The following POLH variants were observed in gnomAD, a reference collection of about 807,000 sequenced individuals.
POLH encodes DNA polymerase eta, also known as DNA polymerase eta transcript.
In POLH, 53 loss-of-function variants were observed where a neutral mutation model predicts 73.6. That is an observed-to-expected ratio of 0.72 (90% CI 0.58 to 0.91). The LOEUF is 0.91. POLH is among the 40% of genes least tolerant of loss of function. POLH has a pLI of 0.00. For missense variants in POLH, 768 were observed against 865.4 expected (o/e 0.89, Z 1.41); for synonymous variants, 292 against 308.5 (o/e 0.95, Z 0.56).
Position 43,617,490 on chromosome 6 carries a change from GGT to G in POLH, c.*2935_*2936del, listed in dbSNP as rs1768424204. Reference sequence around the variant, plus strand: ...AAAATAACAAAAATTAGGTGTGTGTGGTGACGCATGCGTGTAATCCCAGCTAC... The same window carrying G: ...AAAATAACAAAAATTAGGTGTGTGTGGACGCATGCGTGTAATCCCAGCTAC... On this transcript the variant is annotated 3_prime_UTR_variant, in exon 11 of 11. Coordinates refer to ENST00000372236, the MANE Select transcript of POLH (RefSeq NM_006502.3). Among the ~76,000 whole-genome samples the G allele has an allele frequency of 6.6e-6, 1 of 151,976 alleles. No individual in the cohort carries two copies. The highest frequency in any genetic ancestry group is 2.4e-5 in the African/African-American group (1 of 41,356).
chr6:43,618,273 A>G lies in POLH; in HGVS notation c.*3716A>G, dbSNP rs1368156230. Among the ~76,000 whole-genome samples, 1 of 151,888 alleles carries G rather than the reference A, an allele frequency of 6.6e-6. No individual in the cohort carries two copies. The highest frequency in any genetic ancestry group is 1.5e-5 in the Non-Finnish European group (1 of 67,998). ...CGGGTTCAAGCAATTCTCCTGCCTC[A>G]GCTTCCCGAATAGCTGAGACTACAA... On this transcript the variant is annotated 3_prime_UTR_variant, in exon 11 of 11. Transcript: ENST00000372236.
At chr6:43,587,161 T>C in intron 3 of POLH, 111 bp from the exon 4 acceptor site, 1 of 847,224 alleles carries the variant, frequency 1.2e-6, no homozygotes, top group Admixed American at 1.7e-5. Context: ...TTAAGCCACA[T>C]GTCTCTTGAT....
In POLH at chr6:43,597,667, T is replaced by G. The variant is rs1033402953; in HGVS notation, c.491-29T>G. 3 of 1,589,196 alleles carry G rather than the reference T, an allele frequency of 1.9e-6. No homozygotes were observed. The African/African-American group carries it at 4.0e-5, about 21-fold the overall frequency. On this transcript the variant is annotated intron_variant, in intron 4 of 10. Transcript: ENST00000372236. ...AATTAAATAAATAATTTTTTAAATG[T>G]CTAAATGTGAGTTCTTAATTCATTT...
intron 1 of POLH, among the ~76,000 whole-genome samples, chr6:43,580,677 C>G (rs1344314059): frequency 2.2e-5 from 3 of 139,136 alleles, no homozygotes; most frequent in Admixed American, 6.9e-5. Context: ...CTGACCCCCC[C>G]ACCTCCCTCC....
chr6:43,586,303 A>C (rs1764813653), intron 3 of POLH, among the ~76,000 whole-genome samples: 1 of 151,962 alleles, frequency 6.6e-6, no homozygotes, highest in Non-Finnish European at 1.5e-5. Flanking sequence ...ACATGGTGAA[A>C]CCCTGTCTCT....
chr6:43,603,433 AT>A (rs1373359619), intron 6 of POLH, among the ~76,000 whole-genome samples: 1 of 150,730 alleles, frequency 6.6e-6, no homozygotes, highest in Non-Finnish European at 1.5e-5. Context: ...CCTGGCCTTA[AT>A]TTTTTTTTGT....
intron 4 of POLH, 107 bp downstream of exon 4, chr6:43,587,596 C>T: frequency 1.2e-6 from 1 of 801,450 alleles, no homozygotes; most frequent in East Asian, 2.6e-5. Context: ...AAACTACAGC[C>T]TGAATGAATC....
At chr6:43,595,284 C>T (rs925290159) in intron 4 of POLH, among the ~76,000 whole-genome samples, 2 of 151,896 alleles carry the variant, frequency 1.3e-5, no homozygotes, top group African/African-American at 4.8e-5. Flanking sequence ...GTGTGCACCA[C>T]CACGCCTGGC....
intron 1 of POLH, among the ~76,000 whole-genome samples, chr6:43,581,129 T>C (rs1343421314): frequency 9.9e-5 from 14 of 141,506 alleles, no homozygotes; most frequent in South Asian, 4.6e-4. Context: ...GGCTCCTCAC[T>C]TCTCAGACGG....
rs1458699096 is a variant in POLH, at chr6:43,617,756, C to T, written c.*3199C>T. On this transcript the variant is annotated 3_prime_UTR_variant, in exon 11 of 11. Coordinates refer to ENST00000372236, the MANE Select transcript of POLH (RefSeq NM_006502.3). ...CATCCTGGCCAACATGGTGAAACCC[C>T]GTCTCTACTGAAAATACAACTGGGC... is the stretch of plus-strand genomic sequence containing the variant. 1.3e-5 allele frequency among the ~76,000 whole-genome samples: 2 copies of T among 152,030 alleles called. No homozygotes were observed. The highest frequency in any genetic ancestry group is 2.4e-5 in the African/African-American group (1 of 41,414).
At position 43,610,545 on chromosome 6, in the gene POLH, C is replaced by T. The variant is rs1362879582; in HGVS notation, c.1075-9C>T. 2 of 1,612,886 alleles carry T rather than the reference C, an allele frequency of 1.2e-6. No individual in the cohort carries two copies. Among genetic ancestry groups the T allele is most frequent in the African/African-American group, 1.3e-5 (1 of 74,856 alleles). On this transcript the variant is annotated splice_polypyrimidine_tract_variant and intron_variant, in intron 9 of 10. Transcript: ENST00000372236. ...CTTTATTTCTGGTCTCCATCCTTTC[C>T]ACCCACAGAATGACAGGGTAGCCAC...
At chr6:43,611,545 T>C (rs971116208) in intron 10 of POLH, among the ~76,000 whole-genome samples, 2 of 152,188 alleles carry the variant, frequency 1.3e-5, no homozygotes, top group African/African-American at 4.8e-5. Context: ...AATCCTTTAA[T>C]TGCATATTTA....
rs1764201906 is a variant in POLH, at chr6:43,581,475, CACT to C, written c.-4-840_-4-838del. Among the ~76,000 whole-genome samples the C allele has an allele frequency of 6.1e-5, 9 of 146,910 alleles. No individual in the cohort carries two copies. In the South Asian group the frequency reaches 1.9e-3, roughly 32 times the overall value. On this transcript the variant is annotated intron_variant, in intron 1 of 10. Transcript: ENST00000372236. Reference sequence around the variant, plus strand: ...TGGGCGGCCAGGCAGAGACACTCCTCACTTCCCAGACGGGGTGGCGGCCGGGCA... The same window carrying C: ...TGGGCGGCCAGGCAGAGACACTCCTCTCCCAGACGGGGTGGCGGCCGGGCA...
rs886061473 is a variant in POLH, at chr6:43,619,627, CAG to C, written c.*5075_*5076del. 2.0e-5 allele frequency among the ~76,000 whole-genome samples: 3 copies of C among 152,120 alleles called. No homozygotes were observed. The highest frequency in any genetic ancestry group is 4.4e-5 in the Non-Finnish European group (3 of 68,032). On this transcript the variant is annotated 3_prime_UTR_variant, in exon 11 of 11. Transcript: ENST00000372236. ...CCCCCTAAATGTTCCATTAATGTTG[CAG>C]AGAGGCTCACTAGTTCCTGGAGATG...
chr6:43,581,689 TGCGGTCGGTCGCG>T (rs1376539912), intron 1 of POLH, among the ~76,000 whole-genome samples: 2 of 144,932 alleles, frequency 1.4e-5, no homozygotes, highest in Non-Finnish European at 3.0e-5. Context: ...CGGCGGCGGC[TGCGGTCGGTCGCG>T]GCAGCGGCTC....
chr6:43,604,594 G>C (rs1320630633), intron 7 of POLH, 21 bp from the exon 8 acceptor site: 6 of 1,612,252 alleles, frequency 3.7e-6, no homozygotes, highest in Non-Finnish European at 4.2e-6. Flanking sequence ...TCACCTTAAC[G>C]TTTTTTGCTG....
intron 3 of POLH, among the ~76,000 whole-genome samples, chr6:43,584,702 A>C (rs1764613231): frequency 6.6e-6 from 1 of 152,120 alleles, no homozygotes; most frequent in South Asian, 2.1e-4. Flanking sequence ...CCTTTCCATC[A>C]CAAGTCCAGG....
rs780356096 is a variant in POLH at position 43,603,884 on chromosome 6, G to T, written c.765-8G>T. Reference sequence around the variant, plus strand: ...GACCTATCAATTCTTTGTCTCCTTTGTTATCAGCCGTAGTCTTGGAGGAAA... The same window carrying T: ...GACCTATCAATTCTTTGTCTCCTTTTTTATCAGCCGTAGTCTTGGAGGAAA... On this transcript the variant is annotated splice_region_variant and splice_polypyrimidine_tract_variant and intron_variant, in intron 6 of 10. Transcript: ENST00000372236. 1.2e-6 allele frequency: 2 copies of T among 1,613,230 alleles called. No individual in the cohort carries two copies. Among genetic ancestry groups the T allele is most frequent in the Non-Finnish European group, 1.7e-6 (2 of 1,179,428 alleles).
intron 1 of POLH, among the ~76,000 whole-genome samples, chr6:43,577,395 A>G (rs1763484575): frequency 6.6e-6 from 1 of 152,242 alleles, no homozygotes; most frequent in Admixed American, 6.5e-5. Flanking sequence ...TTACAATACT[A>G]TTTGTTGGCT....
Sources: allele counts gnomAD v4.1 joint callset (sites outside exome capture counted in the v4.1 genomes callset), GRCh38; gene constraint gnomAD v4.1.1; transcripts MANE v1.5; gene names NCBI Gene and HGNC (gene_info 2026-07-23, HGNC 2026-07-21).